ANTXR2: variants seen among roughly 807,000 people sequenced by gnomAD.
ANTXR2 encodes ANTXR cell adhesion molecule 2, also known as anthrax toxin receptor 2.
ANTXR2 carries 44 observed loss-of-function variants against 73.7 expected under a neutral mutation model. That is an observed-to-expected ratio of 0.60 (90% CI 0.47 to 0.77). The LOEUF (loss-of-function observed/expected upper bound fraction) is 0.77. ANTXR2 is among the 30% of genes least tolerant of loss of function. The pLI is 0.00. For missense variants in ANTXR2, 604 were observed against 592.5 expected, an observed-to-expected ratio of 1.02 and a Z score of -0.20; for synonymous variants, 217 against 205.9, an observed-to-expected ratio of 1.05 and a Z score of -0.46.
chr4:80,071,726 C>G, intron 1 of ANTXR2, 72 bp from the exon 2 acceptor site: 1 of 1,276,748 alleles, frequency 7.8e-7, no homozygotes, highest in Non-Finnish European at 1.1e-6. Context: ...GAAATGGTTC[C>G]TTCTTCAATG....
chr4:79,931,310 G>A (rs915317258), intron 16 of ANTXR2, among the ~76,000 whole-genome samples: 2 of 152,144 alleles, frequency 1.3e-5, no homozygotes, highest in African/African-American at 4.8e-5. Context: ...TCAAGAGAGA[G>A]CAAATGAATA....
chr4:79,913,170 A>G (rs1425033135), intron 16 of ANTXR2, among the ~76,000 whole-genome samples: 1 of 152,184 alleles, frequency 6.6e-6, no homozygotes, highest in African/African-American at 2.4e-5. Context: ...GCTTTTCAGC[A>G]CTGAATGTGC....
chr4:79,928,335 G>A (rs995541245), intron 16 of ANTXR2, among the ~76,000 whole-genome samples: 5 of 152,114 alleles, frequency 3.3e-5, no homozygotes, highest in Admixed American at 6.6e-5. Context: ...ATAAAATAGT[G>A]GTTACTGGGA....
At chr4:80,044,078 T>C (rs1435417220) in intron 7 of ANTXR2, among the ~76,000 whole-genome samples, 1 of 151,976 alleles carries the variant, frequency 6.6e-6, no homozygotes, top group Non-Finnish European at 1.5e-5. Context: ...TCCAACGGGC[T>C]ACAAAGAAGT....
intron 16 of ANTXR2, among the ~76,000 whole-genome samples, chr4:79,916,673 G>A (rs966674031): frequency 1.3e-4 from 20 of 151,922 alleles, no homozygotes; most frequent in African/African-American, 2.4e-4. Context: ...GAGAAAAGTC[G>A]AATAAATTAA....
At chr4:79,910,949 A>G (rs1385758898) in intron 16 of ANTXR2, among the ~76,000 whole-genome samples, 1 of 150,600 alleles carries the variant, frequency 6.6e-6, no homozygotes, top group African/African-American at 2.4e-5. Flanking sequence ...ACTACTTCAC[A>G]TTGGCTGCTG....
intron 16 of ANTXR2, among the ~76,000 whole-genome samples, chr4:79,919,643 T>C (rs1313969781): frequency 6.6e-6 from 1 of 151,744 alleles, no homozygotes; most frequent in East Asian, 2.0e-4. Flanking sequence ...TCTTCAGCTT[T>C]TGGACTCTTG....
In ANTXR2 at chr4:80,021,149, C is replaced by CAAAA. The variant is rs35390197; in HGVS notation, c.867-2177_867-2174dup. On this transcript the variant is annotated intron_variant, in intron 10 of 16. Transcript: ENST00000403729. ...TGGGCGACAGAGCGAGACTCCATCTCAAAAAAAAAAAAAAAAAAAAAAAGA... is the reference window on the plus strand; with the variant it reads ...TGGGCGACAGAGCGAGACTCCATCTCAAAAAAAAAAAAAAAAAAAAAAAAAAAGA... Among the ~76,000 whole-genome samples the CAAAA allele has an allele frequency of 1.4e-3, 87 of 60,388 alleles. 1 individual carries two copies. The highest frequency in any genetic ancestry group is 1.8e-3 in the Non-Finnish European group (62 of 35,412). The allele number at this position is 60,388 out of a possible 152,430, so 39.6% of individuals were successfully genotyped here. A position where few individuals can be genotyped will look rare whatever the true frequency, so the allele number is the denominator to read the frequency against.
chr4:79,995,572 T>C (rs905701515), intron 12 of ANTXR2, among the ~76,000 whole-genome samples: 1 of 152,000 alleles, frequency 6.6e-6, no homozygotes, highest in Non-Finnish European at 1.5e-5. Flanking sequence ...TGTCAAAATG[T>C]CAATTCTTAT....
intron 3 of ANTXR2, among the ~76,000 whole-genome samples, chr4:80,064,868 A>T (rs1008533292): frequency 6.6e-6 from 1 of 152,222 alleles, no homozygotes; most frequent in Non-Finnish European, 1.5e-5. Flanking sequence ...GGCCTTTGGG[A>T]AACACTGGCT....
At chr4:80,009,922 A>G (rs1731489615) in intron 11 of ANTXR2, among the ~76,000 whole-genome samples, 1 of 151,784 alleles carries the variant, frequency 6.6e-6, no homozygotes, top group South Asian at 2.1e-4. Flanking sequence ...AAAACAGCAA[A>G]AGACATGGAT....
At chr4:79,914,360 G>T (rs1727264311) in intron 16 of ANTXR2, among the ~76,000 whole-genome samples, 1 of 151,930 alleles carries the variant, frequency 6.6e-6, no homozygotes, top group Non-Finnish European at 1.5e-5. Flanking sequence ...CTTGACTTCG[G>T]CTTATTATTA....
chr4:80,060,823 G>A (rs920872172), intron 3 of ANTXR2, among the ~76,000 whole-genome samples: 3 of 152,098 alleles, frequency 2.0e-5, no homozygotes, highest in Non-Finnish European at 1.5e-5. Context: ...TTCAGATAAG[G>A]GGAGTCTAGT....
intron 16 of ANTXR2, among the ~76,000 whole-genome samples, chr4:79,922,197 T>G (rs995434943): frequency 6.6e-6 from 1 of 152,028 alleles, no homozygotes; most frequent in Admixed American, 6.6e-5. Context: ...AATCCCTACT[T>G]CTATGTGCAG....
chr4:80,028,797 T>C (rs576960229), intron 10 of ANTXR2, among the ~76,000 whole-genome samples: 1 of 152,134 alleles, frequency 6.6e-6, no homozygotes, highest in Non-Finnish European at 1.5e-5. Context: ...TTGATTTCAA[T>C]CCAATCTCAT....
chr4:79,932,314 G>A (rs967272974), intron 16 of ANTXR2, among the ~76,000 whole-genome samples: 2 of 150,766 alleles, frequency 1.3e-5, no homozygotes, highest in Non-Finnish European at 2.9e-5. Context: ...TTTTGACCAA[G>A]TCATATTACC....
chr4:80,016,795 A>G (rs1217300895), intron 11 of ANTXR2, among the ~76,000 whole-genome samples: 2 of 152,220 alleles, frequency 1.3e-5, no homozygotes, highest in African/African-American at 4.8e-5. Flanking sequence ...ACTTGGAGCT[A>G]TTCTTAATTT....
intron 7 of ANTXR2, among the ~76,000 whole-genome samples, chr4:80,045,660 A>T (rs1448577655): frequency 6.6e-6 from 1 of 151,676 alleles, no homozygotes; most frequent in East Asian, 1.9e-4. Flanking sequence ...TTCAAGTTTA[A>T]ATCAGGAGAA....
chr4:80,067,210 A>C (rs1178038621), intron 3 of ANTXR2, among the ~76,000 whole-genome samples: 1 of 144,224 alleles, frequency 6.9e-6, no homozygotes, highest in African/African-American at 2.8e-5. Context: ...TGTCTCACAA[A>C]AAAAAAAAAG....
Sources: allele counts gnomAD v4.1 joint callset (sites outside exome capture counted in the v4.1 genomes callset), GRCh38; gene constraint gnomAD v4.1.1; transcripts MANE v1.5; gene names NCBI Gene and HGNC (gene_info 2026-07-23, HGNC 2026-07-21).